IGSF21: variants seen among roughly 807,000 people sequenced by gnomAD.
IGSF21 encodes immunoglobin superfamily member 21, also known as immunoglobulin superfamily member 21.
Under a neutral mutation model 46.8 loss-of-function variants are expected in IGSF21, and 28 were observed. The observed-to-expected ratio is 0.60, with a 90% CI of 0.44 to 0.82. IGSF21 has a LOEUF of 0.82. Ranked by LOEUF, IGSF21 falls within the 40% of genes least tolerant of loss-of-function variation. IGSF21 has a pLI of 0.00. For missense variants in IGSF21, 624 were observed against 665.5 expected, an observed-to-expected ratio of 0.94 and a Z score of 0.69; for synonymous variants, 284 against 273.6, an observed-to-expected ratio of 1.04 and a Z score of -0.38.
chr1:18,344,014 G>T (rs1192106157), intron 4 of IGSF21, among the ~76,000 whole-genome samples: 1 of 152,136 alleles, frequency 6.6e-6, no homozygotes, highest in Non-Finnish European at 1.5e-5. Flanking sequence ...GGTAATGAAG[G>T]CTGAGTCTAC....
intron 3 of IGSF21, among the ~76,000 whole-genome samples, chr1:18,309,282 T>G (rs929056791): frequency 2.6e-5 from 4 of 152,154 alleles, no homozygotes; most frequent in African/African-American, 9.7e-5. Flanking sequence ...CACTGTTTGC[T>G]AATAATAACA....
chr1:18,120,520 A>G (rs956755581), intron 1 of IGSF21, among the ~76,000 whole-genome samples: 2 of 152,214 alleles, frequency 1.3e-5, no homozygotes, highest in Non-Finnish European at 2.9e-5. Context: ...CAATTCTGCT[A>G]AGCCTCAGTT....
chr1:18,261,871 G>C (rs755741277), intron 2 of IGSF21, among the ~76,000 whole-genome samples: 2 of 152,250 alleles, frequency 1.3e-5, no homozygotes, highest in Non-Finnish European at 2.9e-5. Flanking sequence ...ACGTCGGGAA[G>C]TATTGTCAGG....
Position 18,278,526 on chromosome 1 carries a change from G to GTTTT in IGSF21, c.184-13335_184-13332dup, listed in dbSNP as rs200294798. 2.7e-3 allele frequency among the ~76,000 whole-genome samples: 353 copies of GTTTT among 132,954 alleles called. 4 individuals carry two copies. The highest frequency in any genetic ancestry group is 7.6e-3 in the African/African-American group (262 of 34,332). The allele number at this position is 132,954 out of a possible 152,430, so 87.2% of individuals were successfully genotyped here. ...AAAGTGCTGGGATTACAGGTGTAAG[G>GTTTT]TTTTTTTTGTTTGTTTGTTTGTTTG... On this transcript the variant is annotated intron_variant, in intron 2 of 9. Transcript: ENST00000251296.
intron 2 of IGSF21, among the ~76,000 whole-genome samples, chr1:18,288,076 C>T (rs900633236): frequency 1.3e-5 from 2 of 152,180 alleles, no homozygotes; most frequent in Non-Finnish European, 2.9e-5. Context: ...TAGGGAGGAA[C>T]GTTGCCTTAT....
intron 1 of IGSF21, among the ~76,000 whole-genome samples, chr1:18,147,252 T>G (rs1343735368): frequency 6.6e-6 from 1 of 152,120 alleles, no homozygotes; most frequent in East Asian, 1.9e-4. Context: ...TGACATCAAA[T>G]CCCATGCCTT....
chr1:18,162,990 C>T (rs190820600), intron 1 of IGSF21, among the ~76,000 whole-genome samples: 33 of 152,058 alleles, frequency 2.2e-4, no homozygotes, highest in African/African-American at 5.3e-4. Flanking sequence ...GGGTGGTAGA[C>T]GGAGGGTGAG....
chr1:18,116,954 G>T (rs1332692776), intron 1 of IGSF21, among the ~76,000 whole-genome samples: 2 of 152,216 alleles, frequency 1.3e-5, no homozygotes, highest in South Asian at 4.1e-4. Context: ...CTTAAGTGCA[G>T]GTCCTGGTTG....
intron 3 of IGSF21, among the ~76,000 whole-genome samples, chr1:18,296,091 T>A (rs953904081): frequency 4.6e-5 from 7 of 152,154 alleles, no homozygotes; most frequent in Non-Finnish European, 8.8e-5. Context: ...AACTATGGGA[T>A]GAATGCTGTC....
intron 1 of IGSF21, among the ~76,000 whole-genome samples, chr1:18,126,674 C>T (rs1342362170): frequency 6.6e-6 from 1 of 152,178 alleles, no homozygotes; most frequent in Non-Finnish European, 1.5e-5. Flanking sequence ...CCCAACTGGC[C>T]TGCCCCACCC....
chr1:18,115,299 C>G (rs2086178505), intron 1 of IGSF21: 1 of 152,388 alleles, frequency 6.6e-6, no homozygotes, highest in African/African-American at 2.4e-5. Context: ...TCAGGTGTGC[C>G]CTAAGCATGT....
chr1:18,341,925 G>T (rs1301294302), intron 4 of IGSF21, among the ~76,000 whole-genome samples: 1 of 152,142 alleles, frequency 6.6e-6, no homozygotes, highest in East Asian at 1.9e-4. Context: ...TGCAAGTCTG[G>T]AGCCAGGAAA....
intron 1 of IGSF21, among the ~76,000 whole-genome samples, chr1:18,134,191 C>T (rs1048579241): frequency 6.6e-6 from 1 of 152,156 alleles, no homozygotes; most frequent in African/African-American, 2.4e-5. Context: ...AAACCATCTT[C>T]TGTGGCCCCC....
chr1:18,143,740 G>T (rs2086439358), intron 1 of IGSF21, among the ~76,000 whole-genome samples: 1 of 152,150 alleles, frequency 6.6e-6, no homozygotes, highest in African/African-American at 2.4e-5. Flanking sequence ...GACCTGGTAG[G>T]CCCGTGCCTT....
At position 18,337,515 on chromosome 1, in the gene IGSF21, T is replaced by C. The variant is rs1490889803; in HGVS notation, c.424+2505T>C. Among the ~76,000 whole-genome samples the C allele has an allele frequency of 1.3e-5, 2 of 152,106 alleles. No homozygotes were observed. Among genetic ancestry groups the C allele is most frequent in the East Asian group, 3.9e-4 (2 of 5,144 alleles). The stretch of plus-strand genomic sequence containing the variant: ...GGCCCCAGCAAAGAGAAGTCCCCCA[T>C]TCACAGCTCCAAAGAGCCCTGCACT... On this transcript the variant is annotated intron_variant, in intron 4 of 9. Transcript: ENST00000251296. The surrounding 1 kb of genome is among the most constrained non-coding windows in gnomAD (Gnocchi z 5.7).
At chr1:18,129,176 G>C (rs114479421) in intron 1 of IGSF21, among the ~76,000 whole-genome samples, 2,822 of 152,236 alleles carry the variant, frequency 0.019, 90 homozygotes, top group African/African-American at 0.064. Flanking sequence ...GTTATGGGGA[G>C]AGAGGCAGGA....
chr1:18,343,506 AG>A (rs1395775616), intron 4 of IGSF21, among the ~76,000 whole-genome samples: 1 of 152,214 alleles, frequency 6.6e-6, no homozygotes, highest in Non-Finnish European at 1.5e-5. Flanking sequence ...TGTCTATTTA[AG>A]GAGGCTTTGC....
chr1:18,357,948 A>G (rs61684697), intron 4 of IGSF21, among the ~76,000 whole-genome samples: 78,470 of 152,044 alleles, frequency 0.52, 21,875 homozygotes, highest in Non-Finnish European at 0.61. Context: ...TTAACTGTAC[A>G]TATTGCTAAT....
intron 1 of IGSF21, among the ~76,000 whole-genome samples, chr1:18,176,924 T>A (rs2086805252): frequency 6.6e-6 from 1 of 152,216 alleles, no homozygotes; most frequent in South Asian, 2.1e-4. Context: ...ATTGAGCTCC[T>A]ATTTGCTGGG....
Sources: allele counts gnomAD v4.1 joint callset (sites outside exome capture counted in the v4.1 genomes callset), GRCh38; gene constraint gnomAD v4.1.1; non-coding constraint Gnocchi (gnomAD v3.1); transcripts MANE v1.5; gene names NCBI Gene and HGNC (gene_info 2026-07-23, HGNC 2026-07-21).